Variants in TG observed in about 807,000 individuals in gnomAD.
The protein encoded by TG is thyroid hormones.
Under a neutral mutation model 324.7 loss-of-function variants are expected in TG, and 270 were observed. That is an observed-to-expected ratio of 0.83 (90% CI 0.75 to 0.92). The LOEUF is 0.92. Ranked by LOEUF, TG falls within the 40% of genes least tolerant of loss-of-function variation. The pLI is 0.00. For synonymous variants in TG, 1,401 were observed against 1,327.0 expected, an observed-to-expected ratio of 1.06 and a Z score of -1.21; for missense variants, 3,591 against 3,456.4, an observed-to-expected ratio of 1.04 and a Z score of -0.98.
At chr8:132,929,942 C>T (rs1242445826) in intron 23 of TG, among the ~76,000 whole-genome samples, 1 of 152,104 alleles carries the variant, frequency 6.6e-6, no homozygotes, top group African/African-American at 2.4e-5. Context: ...ACGATTGAGT[C>T]CCTCACCCAG....
intron 41 of TG, among the ~76,000 whole-genome samples, chr8:133,080,475 C>T (rs994452138): frequency 2.6e-5 from 4 of 152,108 alleles, no homozygotes; most frequent in South Asian, 2.1e-4. Flanking sequence ...GGTCTTCCCA[C>T]GTCCCACCTC....
chr8:133,109,576 A>G lies in TG; in HGVS notation c.7573-3846A>G, dbSNP rs892973764. Among the ~76,000 whole-genome samples, 3 of 152,276 alleles carry G rather than the reference A, an allele frequency of 2.0e-5. No individual in the cohort carries two copies. The South Asian group carries it at 6.2e-4, about 32-fold the overall frequency. ...CAGCTCGTCTGGGTGGCAAGGGCAA[A>G]GCACAGCTGGGTTTGTTCCCCACCT... On this transcript the variant is annotated intron_variant, in intron 43 of 47. Transcript: ENST00000220616.
In TG at chr8:133,131,874, G is replaced by A. The variant is rs774386751; in HGVS notation, c.7925G>A (p.Gly2642Glu). 9.3e-6 allele frequency: 15 copies of A among 1,614,148 alleles called. No homozygotes were observed. Among genetic ancestry groups the A allele is most frequent in the Non-Finnish European group, 1.3e-5 (15 of 1,180,028 alleles). The change falls in exon 46 of 48, where the codon GGG becomes GAG. Residue 2642 changes from glycine (G) to glutamate (E), a missense_variant. By Grantham distance (98) the Gly-to-Glu change is moderately conservative. Transcript: ENST00000220616. ...CTTCCCTTCTACCCAGCCTACGAGG[G>A]GCAGTTTTCTCTGGAGGAGAAGAGC... ...LGLPFYPAYE[G>E]QFSLEEKSLS...
chr8:133,045,259 A>C (rs997379290), intron 41 of TG: 2 of 740,224 alleles, frequency 2.7e-6, no homozygotes, highest in Non-Finnish European at 4.6e-6. Context: ...CCCTCCCTCC[A>C]CTAGACCCTT....
At chr8:132,914,971 TG>T (rs1349243732) in intron 20 of TG, among the ~76,000 whole-genome samples, 1 of 152,102 alleles carries the variant, frequency 6.6e-6, no homozygotes, top group African/African-American at 2.4e-5. Flanking sequence ...TGTATGAGTG[TG>T]TGTGTGTATG....
chr8:132,978,659 C>T (rs1017954887), intron 34 of TG, among the ~76,000 whole-genome samples: 1 of 152,074 alleles, frequency 6.6e-6, no homozygotes, highest in Non-Finnish European at 1.5e-5. Flanking sequence ...ACAAAAGTGA[C>T]TCTGGGGGAA....
At chr8:132,917,672 C>T (rs853308) in intron 20 of TG, among the ~76,000 whole-genome samples, 62,474 of 151,532 alleles carry the variant, frequency 0.41, 15,659 homozygotes, top group Admixed American at 0.54. Context: ...GGACCAGGTG[C>T]GGGCTTGAGC....
intron 42 of TG, 76 bp downstream of exon 42, chr8:133,095,284 G>A: frequency 6.2e-7 from 1 of 1,602,486 alleles, no homozygotes; most frequent in Non-Finnish European, 8.5e-7. Context: ...CTAGGAAGGA[G>A]GTGTCACCCA....
chr8:133,096,019 T>C (rs1266890871), intron 42 of TG, among the ~76,000 whole-genome samples, 187 bp from the exon 43 acceptor site: 2 of 152,196 alleles, frequency 1.3e-5, no homozygotes. Flanking sequence ...GAGAGTGAGA[T>C]TCATTCACCC....
chr8:132,926,509 A>G (rs862503), intron 22 of TG, among the ~76,000 whole-genome samples: 61,791 of 152,078 alleles, frequency 0.41, 15,221 homozygotes, highest in Admixed American at 0.53. Flanking sequence ...CTAGAATTGT[A>G]TCTTATTTCT....
intron 35 of TG, chr8:132,989,018 G>A (rs1207952734): frequency 2.2e-6 from 1 of 459,416 alleles, no homozygotes; most frequent in Non-Finnish European, 2.9e-6. Context: ...CACAATCATG[G>A]CAGAAGGCAA....
At chr8:132,992,108 A>G (rs1832416025) in intron 35 of TG, among the ~76,000 whole-genome samples, 1 of 152,158 alleles carries the variant, frequency 6.6e-6, no homozygotes, top group Non-Finnish European at 1.5e-5. Context: ...CCCTTTGTTC[A>G]GTTGCTTATT....
intron 35 of TG, chr8:133,002,075 C>A (rs147762265): frequency 0.011 from 10,531 of 985,394 alleles, 72 homozygotes; most frequent in Non-Finnish European, 0.012. Context: ...TGGGATGGGT[C>A]TGTGATTATT....
At chr8:132,994,749 T>C in intron 35 of TG, 1 of 1,288,578 alleles carries the variant, frequency 7.8e-7, no homozygotes, top group Non-Finnish European at 1.0e-6. Flanking sequence ...GGGACCCAGC[T>C]GAAGAGGATG....
chr8:133,097,319 T>C (rs1848574351), intron 43 of TG, among the ~76,000 whole-genome samples: 1 of 152,236 alleles, frequency 6.6e-6, no homozygotes, highest in Non-Finnish European at 1.5e-5. Context: ...AAAGCTCCAG[T>C]TTTACATGAT....
At chr8:133,032,323 G>A (rs951304098) in intron 41 of TG, among the ~76,000 whole-genome samples, 2 of 152,128 alleles carry the variant, frequency 1.3e-5, no homozygotes, top group African/African-American at 2.4e-5. Context: ...TCAATTCCTG[G>A]TGTTGAAAAC....
intron 2 of TG, 129 bp from the exon 3 acceptor site, chr8:132,869,598 ACT>A (rs905564606): frequency 4.4e-5 from 35 of 798,470 alleles, no homozygotes; most frequent in Non-Finnish European, 7.0e-5. Context: ...TCTCCACTCC[ACT>A]CTCTCCCTAA....
At chr8:133,105,838 G>A (rs1849755748) in intron 43 of TG, among the ~76,000 whole-genome samples, 2 of 152,158 alleles carry the variant, frequency 1.3e-5, no homozygotes, top group African/African-American at 2.4e-5. Flanking sequence ...AGAGCTGACT[G>A]GGAGGAGGAG....
intron 41 of TG, among the ~76,000 whole-genome samples, chr8:133,075,411 A>G (rs1844713322): frequency 6.6e-6 from 1 of 152,218 alleles, no homozygotes; most frequent in Non-Finnish European, 1.5e-5. Flanking sequence ...ATTAAAGGAG[A>G]CTAAAGAGAC....
Sources: allele counts gnomAD v4.1 joint callset (sites outside exome capture counted in the v4.1 genomes callset), GRCh38; gene constraint gnomAD v4.1.1; transcripts MANE v1.5; gene names NCBI Gene and HGNC (gene_info 2026-07-23, HGNC 2026-07-21).